The following TYW1B variants were observed in gnomAD, a reference collection of about 807,000 sequenced individuals.
TYW1B encodes the protein S-adenosyl-L-methionine-dependent tRNA 4-demethylwyosine synthase TYW1B.
A neutral mutation model predicts 86.9 loss-of-function variants in TYW1B; 73 were observed. That is an observed-to-expected ratio of 0.84 (90% CI 0.70 to 1.02). TYW1B has a LOEUF of 1.02. Ranked by LOEUF, TYW1B falls within the 50% of genes least tolerant of loss-of-function variation. The pLI, the probability that TYW1B is intolerant of heterozygous loss-of-function variation, is 0.00. For missense variants in TYW1B, 637 were observed against 827.4 expected, an observed-to-expected ratio of 0.77 and a Z score of 2.82; for synonymous variants, 248 against 292.8, an observed-to-expected ratio of 0.85 and a Z score of 1.56.
At chr7:72,617,252 C>T (rs1646335248) in intron 12 of TYW1B, among the ~76,000 whole-genome samples, 1 of 152,110 alleles carries the variant, frequency 6.6e-6, no homozygotes, top group South Asian at 2.1e-4. Flanking sequence ...AATTCACTGA[C>T]CAAGTAATTG....
intron 11 of TYW1B, among the ~76,000 whole-genome samples, chr7:72,670,129 T>A (rs1211965441): frequency 6.6e-6 from 1 of 152,150 alleles, no homozygotes; most frequent in African/African-American, 2.4e-5. Flanking sequence ...AATCCCTGTC[T>A]CTAAATAGTA....
rs1787975559 is a variant in TYW1B, at chr7:72,777,428, G to A, written c.952C>T (p.Leu318Phe). The A allele has an allele frequency of 6.2e-7, 1 of 1,613,844 alleles. No homozygotes were observed. The highest frequency in any genetic ancestry group is 8.5e-7 in the Non-Finnish European group (1 of 1,179,864). The change falls in exon 7 of 14, where the codon CTT (leucine) becomes TTT (phenylalanine). Residue 318 changes from leucine (L) to phenylalanine (F), a missense_variant. Transcript: ENST00000620995. ...AMITPALREA[L>F]TKQVDAPRER... ...TGAAGATTTTCACCTTGTTTAGTAA[G>A]GGCTTCTCGGAGAGCAGGAGTTATC...
chr7:72,766,478 G>C (rs1585967689), intron 7 of TYW1B, among the ~76,000 whole-genome samples: 2 of 151,724 alleles, frequency 1.3e-5, no homozygotes, highest in East Asian at 3.9e-4. Context: ...GTTGGGAGTG[G>C]TGGCACTTGC....
chr7:72,695,813 C>G (rs1206094570), intron 10 of TYW1B, among the ~76,000 whole-genome samples: 4 of 152,108 alleles, frequency 2.6e-5, no homozygotes, highest in Admixed American at 2.6e-4. Context: ...CTAGGCTGGT[C>G]TGGAACTCCT....
chr7:72,803,779 A>G (rs1554476210), intron 5 of TYW1B, among the ~76,000 whole-genome samples: 1 of 151,630 alleles, frequency 6.6e-6, no homozygotes, highest in African/African-American at 2.4e-5. Context: ...ACACCCGGCT[A>G]ATTTTTGTAT....
At chr7:72,610,351 G>A (rs1408369518) in intron 13 of TYW1B, among the ~76,000 whole-genome samples, 6 of 151,930 alleles carry the variant, frequency 3.9e-5, no homozygotes, top group South Asian at 4.2e-4. Context: ...TGACGTCACC[G>A]AGTCAACCCA....
chr7:72,687,586 G>A (rs1339316137), intron 11 of TYW1B, among the ~76,000 whole-genome samples: 1 of 152,062 alleles, frequency 6.6e-6, no homozygotes, highest in East Asian at 1.9e-4. Context: ...TATTATAATT[G>A]AGTTATTATA....
At chr7:72,760,357 G>C (rs146378313) in intron 7 of TYW1B, among the ~76,000 whole-genome samples, 88 of 152,308 alleles carry the variant, frequency 5.8e-4, no homozygotes, top group African/African-American at 2.1e-3. Flanking sequence ...CATTAGATTA[G>C]CTATTGAGGC....
At chr7:72,770,439 A>AG (rs1787847393) in intron 7 of TYW1B, among the ~76,000 whole-genome samples, 1 of 151,210 alleles carries the variant, frequency 6.6e-6, no homozygotes, top group African/African-American at 2.4e-5. Flanking sequence ...AAAAAAAAAA[A>AG]AAAAAAAGAA....
chr7:72,734,155 G>T (rs1554460465), intron 8 of TYW1B, among the ~76,000 whole-genome samples: 1 of 150,224 alleles, frequency 6.7e-6, no homozygotes, highest in Non-Finnish European at 1.5e-5. Context: ...CTACTTGGGA[G>T]GCTGAGGCAG....
At chr7:72,613,201 A>G (rs535985924) in intron 13 of TYW1B, among the ~76,000 whole-genome samples, 1 of 152,260 alleles carries the variant, frequency 6.6e-6, no homozygotes, top group Non-Finnish European at 1.5e-5. Flanking sequence ...TGCCTAGATT[A>G]GGGGTTGGGT....
intron 9 of TYW1B, among the ~76,000 whole-genome samples, chr7:72,725,340 C>T (rs1476264536): frequency 6.6e-6 from 1 of 152,090 alleles, no homozygotes; most frequent in Non-Finnish European, 1.5e-5. Context: ...ACAAACTGCC[C>T]GAGACACAGT....
chr7:72,626,793 C>T (rs553134059), intron 12 of TYW1B, among the ~76,000 whole-genome samples: 3 of 152,116 alleles, frequency 2.0e-5, no homozygotes, highest in Non-Finnish European at 4.4e-5. Context: ...CTTGGACTAA[C>T]CACTCACTTT....
chr7:72,642,267 A>C (rs1812818706), intron 11 of TYW1B, among the ~76,000 whole-genome samples: 1 of 152,274 alleles, frequency 6.6e-6, no homozygotes, highest in African/African-American at 2.4e-5. Context: ...ACATAAGGTA[A>C]ATCTCTGTCA....
chr7:72,772,953 TAAAC>T (rs1252721794), intron 7 of TYW1B, among the ~76,000 whole-genome samples: 4 of 152,210 alleles, frequency 2.6e-5, no homozygotes, highest in South Asian at 2.1e-4. Flanking sequence ...TGCATATAAA[TAAAC>T]AAAGGACTGC....
chr7:72,652,699 T>TA (rs1228998804), intron 11 of TYW1B, among the ~76,000 whole-genome samples: 2 of 151,612 alleles, frequency 1.3e-5, no homozygotes, highest in Non-Finnish European at 2.9e-5. Context: ...ACATTAACAT[T>TA]AAAAATCAGA....
At chr7:72,810,171 G>A (rs1187564343) in intron 4 of TYW1B, among the ~76,000 whole-genome samples, 4 of 152,066 alleles carry the variant, frequency 2.6e-5, no homozygotes, top group Non-Finnish European at 5.9e-5. Flanking sequence ...CCAGCTACTC[G>A]GGAGGTTGAG....
chr7:72,751,879 G>C (rs1787507119), intron 7 of TYW1B, among the ~76,000 whole-genome samples: 1 of 152,164 alleles, frequency 6.6e-6, no homozygotes. Context: ...ATTTTTCTTA[G>C]ACTCCCACTG....
intron 10 of TYW1B, among the ~76,000 whole-genome samples, chr7:72,704,160 G>A (rs773705553): frequency 1.3e-5 from 2 of 152,184 alleles, no homozygotes; most frequent in African/African-American, 2.4e-5. Flanking sequence ...TTGTCTGGGC[G>A]CAGTAGCTCA....
Sources: allele counts gnomAD v4.1 joint callset (sites outside exome capture counted in the v4.1 genomes callset), GRCh38; gene constraint gnomAD v4.1.1; transcripts MANE v1.5; gene names NCBI Gene and HGNC (gene_info 2026-07-23, HGNC 2026-07-21).